The following CCSER1 variants were observed in gnomAD, a reference collection of about 807,000 sequenced individuals.
The protein encoded by CCSER1 is serine-rich coiled-coil domain-containing protein 1.
Under a neutral mutation model 82.0 loss-of-function variants are expected in CCSER1, and 41 were observed. That is an observed-to-expected ratio of 0.50 (90% CI 0.39 to 0.65). The LOEUF is 0.65. CCSER1 is among the 30% of genes least tolerant of loss of function. CCSER1 has a pLI of 0.00. For synonymous variants in CCSER1, 414 were observed against 383.9 expected (o/e 1.08, Z -0.92); for missense variants, 1,119 against 1,064.2 (o/e 1.05, Z -0.72).
intron 7 of CCSER1, among the ~76,000 whole-genome samples, chr4:90,796,335 A>G (rs1222535268): frequency 6.9e-6 from 1 of 145,058 alleles, no homozygotes; most frequent in African/African-American, 2.5e-5. Context: ...CAGTGGTAAT[A>G]CCTTCTTTGT....
At chr4:90,860,215 G>A (rs1349254226) in intron 8 of CCSER1, among the ~76,000 whole-genome samples, 3 of 151,544 alleles carry the variant, frequency 2.0e-5, no homozygotes, top group Non-Finnish European at 3.0e-5. Flanking sequence ...ATTTCTCACT[G>A]TAAGATATAT....
intron 1 of CCSER1, among the ~76,000 whole-genome samples, chr4:90,131,882 C>A (rs997332058): frequency 6.6e-6 from 1 of 151,984 alleles, no homozygotes; most frequent in Admixed American, 6.6e-5. Flanking sequence ...TGATTTTAGA[C>A]AAACTGCTTA....
chr4:90,311,170 A>C (rs962278041), intron 2 of CCSER1, among the ~76,000 whole-genome samples: 1 of 152,132 alleles, frequency 6.6e-6, no homozygotes, highest in African/African-American at 2.4e-5. Flanking sequence ...TTATAGGGTC[A>C]CATAGTTAGC....
chr4:91,294,382 G>C (rs969742143), intron 10 of CCSER1, among the ~76,000 whole-genome samples: 1 of 151,850 alleles, frequency 6.6e-6, no homozygotes, highest in African/African-American at 2.4e-5. Context: ...CTTCCTGATA[G>C]ATCCGAAAAG....
At chr4:91,028,690 C>T (rs1338374454) in intron 9 of CCSER1, among the ~76,000 whole-genome samples, 1 of 149,484 alleles carries the variant, frequency 6.7e-6, no homozygotes, top group Non-Finnish European at 1.5e-5. Context: ...GTTAACAGTT[C>T]CTTGATTATT....
At chr4:90,494,982 C>T (rs897328663) in intron 5 of CCSER1, among the ~76,000 whole-genome samples, 2 of 152,084 alleles carry the variant, frequency 1.3e-5, no homozygotes, top group African/African-American at 4.8e-5. Flanking sequence ...ATTTCTGTAG[C>T]TTCTGTTCAT....
intron 10 of CCSER1, among the ~76,000 whole-genome samples, chr4:91,276,512 AATTT>A (rs1431776618): frequency 2.6e-5 from 4 of 151,888 alleles, no homozygotes; most frequent in African/African-American, 9.7e-5. Context: ...AACTTTACTG[AATTT>A]ATTTATCAAA....
intron 10 of CCSER1, among the ~76,000 whole-genome samples, chr4:91,464,485 T>G (rs925750631): frequency 6.6e-6 from 1 of 152,108 alleles, no homozygotes; most frequent in Non-Finnish European, 1.5e-5. Flanking sequence ...AATGACAGGA[T>G]CAAATTCACA....
At chr4:90,508,028 A>G (rs1770956958) in intron 5 of CCSER1, among the ~76,000 whole-genome samples, 1 of 152,082 alleles carries the variant, frequency 6.6e-6, no homozygotes. Context: ...TTATATAGAA[A>G]TACCTTAGGG....
chr4:90,973,912 C>T (rs56366052), intron 9 of CCSER1, among the ~76,000 whole-genome samples: 4,296 of 151,480 alleles, frequency 0.028, 223 homozygotes, highest in African/African-American at 0.098. Context: ...CATGAATGAA[C>T]GAGAATGTGT....
intron 10 of CCSER1, among the ~76,000 whole-genome samples, chr4:91,261,875 G>A (rs1741210189): frequency 1.3e-5 from 2 of 151,840 alleles, no homozygotes; most frequent in Non-Finnish European, 2.9e-5. Flanking sequence ...CCTTTATTTG[G>A]CTACTGTCCA....
intron 6 of CCSER1, among the ~76,000 whole-genome samples, chr4:90,685,878 T>C (rs1734737370): frequency 6.6e-6 from 1 of 152,230 alleles, no homozygotes; most frequent in Admixed American, 6.5e-5. Context: ...TTGTATTTGA[T>C]GAAAGCTGAG....
chr4:91,359,396 A>C (rs1455880731), intron 10 of CCSER1, among the ~76,000 whole-genome samples: 1 of 151,776 alleles, frequency 6.6e-6, no homozygotes. Flanking sequence ...ACTGAGTATA[A>C]AGCAACGTAA....
intron 9 of CCSER1, among the ~76,000 whole-genome samples, chr4:91,061,146 A>G (rs1561512710): frequency 6.6e-6 from 1 of 152,082 alleles, no homozygotes; most frequent in African/African-American, 2.4e-5. Flanking sequence ...TTGCTATACA[A>G]TGACAAACAT....
intron 5 of CCSER1, among the ~76,000 whole-genome samples, chr4:90,607,280 A>T (rs1172007246): frequency 6.6e-6 from 1 of 152,176 alleles, no homozygotes; most frequent in Non-Finnish European, 1.5e-5. Flanking sequence ...AATAGAATAA[A>T]TCTTATGTGT....
intron 8 of CCSER1, among the ~76,000 whole-genome samples, chr4:90,836,166 A>G (rs1194616349): frequency 6.6e-6 from 1 of 152,156 alleles, no homozygotes; most frequent in Non-Finnish European, 1.5e-5. Context: ...GACAGGTAGG[A>G]CTTCTGTCCA....
At chr4:91,236,742 T>G (rs970975118) in intron 10 of CCSER1, among the ~76,000 whole-genome samples, 3 of 152,222 alleles carry the variant, frequency 2.0e-5, no homozygotes, top group Non-Finnish European at 4.4e-5. Flanking sequence ...TATATGGTTC[T>G]TATTTCAGAG....
At chr4:90,225,766 C>A (rs1743048333) in intron 1 of CCSER1, among the ~76,000 whole-genome samples, 1 of 152,086 alleles carries the variant, frequency 6.6e-6, no homozygotes, top group Non-Finnish European at 1.5e-5. Flanking sequence ...TCTTTTCATT[C>A]CCTGGAGATT....
At chr4:90,343,768 A>G (rs562427111) in intron 3 of CCSER1, among the ~76,000 whole-genome samples, 1 of 152,196 alleles carries the variant, frequency 6.6e-6, no homozygotes, top group African/African-American at 2.4e-5. Context: ...GTGGGTACAT[A>G]GTGGTATATA....
Sources: gnomAD v4.1 joint callset for allele counts (sites outside exome capture counted in the v4.1 genomes callset) on GRCh38, gnomAD v4.1.1 for gene constraint, MANE v1.5 for transcripts, NCBI Gene and HGNC (gene_info 2026-07-23, HGNC 2026-07-21) for gene names.